The following NEDD8 variants were observed in gnomAD, a reference collection of about 807,000 sequenced individuals.
NEDD8 encodes ubiquitin-like protein NEDD8.
NEDD8 carries 1 observed loss-of-function variant against 13.8 expected under a neutral mutation model. The observed-to-expected ratio is 0.07, with a 90% CI of 0.03 to 0.34. NEDD8 has a LOEUF of 0.34. Among genes scored for constraint, NEDD8 ranks in the 10% least tolerant of loss-of-function variants. NEDD8 has a pLI of 0.99. For missense variants in NEDD8, 10 were observed against 95.2 expected (o/e 0.10, Z 3.73); for synonymous variants, 31 against 33.2 (o/e 0.93, Z 0.23).
chr14:24,219,271 G>A (rs1355868240), intron 1 of NEDD8, among the ~76,000 whole-genome samples: 1 of 150,936 alleles, frequency 6.6e-6, no homozygotes, highest in Non-Finnish European at 1.5e-5. Context: ...AGACCAGCCT[G>A]GACAACACAG....
intron 1 of NEDD8, among the ~76,000 whole-genome samples, chr14:24,220,658 C>G (rs1473484877): frequency 6.6e-6 from 1 of 152,198 alleles, no homozygotes; most frequent in East Asian, 1.9e-4. Flanking sequence ...CTATGATCAG[C>G]ATCTTACATG....
rs374731452 is a variant in NEDD8, at chr14:24,218,313, C to G, written c.66+71G>C. 254 of 1,613,788 alleles carry G rather than the reference C, an allele frequency of 1.6e-4. 1 individual carries two copies. Among genetic ancestry groups the G allele is most frequent in the Non-Finnish European group, 2.0e-4 (233 of 1,179,812 alleles). On this transcript the variant is annotated intron_variant, in intron 2 of 3. Transcript: ENST00000250495. The stretch of plus-strand genomic sequence containing the variant: ...GCAGACAGCATGAGAGCAAAAGGAC[C>G]AAGTTCATAAGCATATGCAAACAAA...
At chr14:24,224,211 G>C (rs2039854578) in intron 1 of NEDD8, among the ~76,000 whole-genome samples, 1 of 152,200 alleles carries the variant, frequency 6.6e-6, no homozygotes, top group African/African-American at 2.4e-5. Flanking sequence ...TTACAGGCGT[G>C]AGCCACCGCG....
At chr14:24,221,725 G>C (rs998032336) in intron 1 of NEDD8, among the ~76,000 whole-genome samples, 4 of 152,018 alleles carry the variant, frequency 2.6e-5, no homozygotes, top group African/African-American at 9.7e-5. Flanking sequence ...AGCCTCCCAA[G>C]TAGCTGGGAC....
At chr14:24,230,218 CAAAAAAAAAAA>C (rs560583502) in intron 1 of NEDD8, among the ~76,000 whole-genome samples, 1,791 of 73,814 alleles carry the variant, frequency 0.024, 65 homozygotes, top group African/African-American at 0.11. Flanking sequence ...GACTCTGTCT[CAAAAAAAAAAA>C]AAAAAAAAAA....
chr14:24,227,289 G>A (rs2039905420), intron 1 of NEDD8: 1 of 152,202 alleles, frequency 6.6e-6, no homozygotes, highest in South Asian at 2.1e-4. Context: ...AAAGACAGTT[G>A]CCAAAGTAAT....
chr14:24,217,980 T>C, intron 3 of NEDD8, 153 bp downstream of exon 3: 1 of 760,290 alleles, frequency 1.3e-6, no homozygotes, highest in Non-Finnish European at 2.0e-6. Context: ...AAAAATCTTA[T>C]TCTGAGAAGG....
intron 1 of NEDD8, among the ~76,000 whole-genome samples, chr14:24,223,085 CAAAAAAAAAAA>C (rs71426836): frequency 1.3e-5 from 1 of 75,602 alleles, no homozygotes; most frequent in African/African-American, 4.8e-5. Context: ...GACTGCATTT[CAAAAAAAAAAA>C]AAAAAAAAAA....
intron 1 of NEDD8, chr14:24,231,918 G>T: frequency 3.1e-6 from 1 of 327,788 alleles, no homozygotes; most frequent in Non-Finnish European, 5.6e-6. Flanking sequence ...CTGAGAGACG[G>T]GGGAGTCAAG....
chr14:24,230,897 C>T (rs1186707833), intron 1 of NEDD8, among the ~76,000 whole-genome samples: 1 of 152,064 alleles, frequency 6.6e-6, no homozygotes, highest in African/African-American at 2.4e-5. Context: ...GGATTACAGG[C>T]GTGAGCCACT....
chr14:24,218,296 C>T, intron 2 of NEDD8, 81 bp from the exon 3 acceptor site: 1 of 1,613,706 alleles, frequency 6.2e-7, no homozygotes, highest in Non-Finnish European at 8.5e-7. Context: ...ATGCAGACAG[C>T]ATGAGAGCAA....
At chr14:24,220,796 T>G (rs1192531189) in intron 1 of NEDD8, among the ~76,000 whole-genome samples, 2 of 152,216 alleles carry the variant, frequency 1.3e-5, no homozygotes, top group Non-Finnish European at 2.9e-5. Flanking sequence ...GGATCCAGAT[T>G]CCCTGGTCCC....
At chr14:24,224,076 C>T (rs904905925) in intron 1 of NEDD8, among the ~76,000 whole-genome samples, 1 of 152,148 alleles carries the variant, frequency 6.6e-6, no homozygotes, top group African/African-American at 2.4e-5. Context: ...TACAGGCGCC[C>T]GCCACTACGC....
At position 24,219,893 on chromosome 14, in the gene NEDD8, A is replaced by C. The variant is rs151049834; in HGVS notation, c.19-1462T>G. Among the ~76,000 whole-genome samples, 719 of 152,174 alleles carry C rather than the reference A, an allele frequency of 4.7e-3. 4 individuals are homozygous for C. The highest frequency in any genetic ancestry group is 0.017 in the African/African-American group (693 of 41,516). On this transcript the variant is annotated intron_variant, in intron 1 of 3. Coordinates refer to ENST00000250495, the MANE Select transcript of NEDD8 (RefSeq NM_006156.3). ...AGTGGCTCATGCCTGTAATCCCAGC[A>C]CTTTGGGAAGCTGAGGTGGGTGGAT...
At chr14:24,221,344 C>T (rs2039806864) in intron 1 of NEDD8, among the ~76,000 whole-genome samples, 1 of 150,536 alleles carries the variant, frequency 6.6e-6, no homozygotes, top group South Asian at 2.1e-4. Flanking sequence ...TGCAATGGTG[C>T]AATCATGGCT....
At chr14:24,230,310 G>A (rs1470904883) in intron 1 of NEDD8, among the ~76,000 whole-genome samples, 3 of 147,792 alleles carry the variant, frequency 2.0e-5, no homozygotes, top group Non-Finnish European at 4.5e-5. Context: ...AGAGGCGGGC[G>A]GATCACGAGG....
At chr14:24,227,813 G>A (rs915152742) in intron 1 of NEDD8, 1 of 152,184 alleles carries the variant, frequency 6.6e-6, no homozygotes, top group Admixed American at 6.5e-5. Flanking sequence ...TGAATCATTC[G>A]GCTGGGCATG....
intron 1 of NEDD8, chr14:24,232,031 G>A: frequency 1.6e-6 from 1 of 634,758 alleles, no homozygotes; most frequent in East Asian, 2.9e-5. Flanking sequence ...AAAAAAGCAG[G>A]CATGGCAAAA....
intron 1 of NEDD8, among the ~76,000 whole-genome samples, chr14:24,225,238 ACT>A (rs146729666): frequency 0.064 from 9,681 of 151,744 alleles, 390 homozygotes; most frequent in East Asian, 0.2. Flanking sequence ...ACTGCAGGAA[ACT>A]CTATTCAACA....
Sources: allele counts gnomAD v4.1 joint callset (sites outside exome capture counted in the v4.1 genomes callset), GRCh38; gene constraint gnomAD v4.1.1; transcripts MANE v1.5; gene names NCBI Gene and HGNC (gene_info 2026-07-23, HGNC 2026-07-21).